Variants in PTPN9 observed in about 807,000 individuals in gnomAD.
The protein encoded by PTPN9 is tyrosine-protein phosphatase non-receptor type 9.
Under a neutral mutation model 69.8 loss-of-function variants are expected in PTPN9, and 26 were observed. That is an observed-to-expected ratio of 0.37 (90% CI 0.27 to 0.52). PTPN9 has a LOEUF of 0.52. Ranked by LOEUF, PTPN9 falls within the 20% of genes least tolerant of loss-of-function variation. The probability of loss-of-function intolerance (pLI) is 0.91; values close to 1 mark genes in which losing one functional copy is unlikely to be tolerated. For synonymous variants in PTPN9, 274 were observed against 272.5 expected (o/e 1.01, Z -0.05); for missense variants, 549 against 740.3 (o/e 0.74, Z 3.00).
In PTPN9 at chr15:75,491,108, T is replaced by TA. The variant is rs1015189240; in HGVS notation, c.969-808dup. Among the ~76,000 whole-genome samples, 4 of 145,898 alleles carry TA rather than the reference T, an allele frequency of 2.7e-5. No homozygotes were observed. In the East Asian group the frequency reaches 8.7e-4, roughly 32 times the overall value. On this transcript the variant is annotated intron_variant, in intron 7 of 12. Coordinates refer to ENST00000618819, the MANE Select transcript of PTPN9 (RefSeq NM_002833.4). ...TGGGTGACGGAGAGAAACCCTGACT[T>TA]AAAAAAAAGAGAAGCTGGGTGTGGT...
intron 1 of PTPN9, among the ~76,000 whole-genome samples, chr15:75,564,318 G>A (rs1257562834): frequency 6.6e-6 from 1 of 152,188 alleles, no homozygotes; most frequent in Non-Finnish European, 1.5e-5. Context: ...ACATTGGCCA[G>A]GTGCGGTGGC....
At chr15:75,535,263 T>C (rs1595963844) in intron 1 of PTPN9, among the ~76,000 whole-genome samples, 2 of 152,166 alleles carry the variant, frequency 1.3e-5, no homozygotes, top group African/African-American at 2.4e-5. Context: ...CCCAAAGTGC[T>C]GGGATTACAG....
chr15:75,500,344 T>TACAC (rs35248279), intron 7 of PTPN9, among the ~76,000 whole-genome samples: 4,064 of 142,510 alleles, frequency 0.029, 66 homozygotes, highest in Non-Finnish European at 0.029. Flanking sequence ...CAAACATACA[T>TACAC]ACACACACAC....
At chr15:75,470,886 C>G in intron 10 of PTPN9, 56 bp from the exon 11 acceptor site, 1 of 1,580,430 alleles carries the variant, frequency 6.3e-7, no homozygotes, top group Non-Finnish European at 8.6e-7. Context: ...CAGCAGTAAC[C>G]TGGCTTCCCC....
rs1163016506 is a variant in PTPN9, at chr15:75,557,646, C to T, written c.63+21068G>A. 5.9e-5 allele frequency among the ~76,000 whole-genome samples: 9 copies of T among 152,164 alleles called. No homozygotes were observed. In the East Asian group the frequency reaches 1.2e-3, roughly 20 times the overall value. Reference sequence around the variant, plus strand: ...TAACAGCAATGCCAACACTTGTTTCCCATTTTGTTTTGTTTTACTTCTAAC... The same window carrying T: ...TAACAGCAATGCCAACACTTGTTTCTCATTTTGTTTTGTTTTACTTCTAAC... On this transcript the variant is annotated intron_variant, in intron 1 of 12. Coordinates refer to ENST00000618819, the MANE Select transcript of PTPN9 (RefSeq NM_002833.4).
At chr15:75,498,302 T>G (rs2074754373) in intron 7 of PTPN9, among the ~76,000 whole-genome samples, 1 of 152,062 alleles carries the variant, frequency 6.6e-6, no homozygotes, top group Non-Finnish European at 1.5e-5. Flanking sequence ...TTACATTTTA[T>G]GTAATGTTAC....
chr15:75,565,715 G>A (rs967479445), intron 1 of PTPN9, among the ~76,000 whole-genome samples: 7 of 152,098 alleles, frequency 4.6e-5, no homozygotes, highest in East Asian at 1.9e-4. Flanking sequence ...ACTCATTTGC[G>A]AATCATTTTT....
At chr15:75,553,118 G>T (rs967460010) in intron 1 of PTPN9, among the ~76,000 whole-genome samples, 24 of 152,010 alleles carry the variant, frequency 1.6e-4, no homozygotes, top group African/African-American at 5.8e-4. Context: ...GGGAGAAAAG[G>T]TAATATTTGT....
chr15:75,496,897 A>G (rs530325438), intron 7 of PTPN9, among the ~76,000 whole-genome samples: 10 of 152,320 alleles, frequency 6.6e-5, no homozygotes, highest in Non-Finnish European at 1.2e-4. Flanking sequence ...AATGGAACTG[A>G]GGGTAAAATA....
intron 1 of PTPN9, among the ~76,000 whole-genome samples, chr15:75,561,497 T>C (rs1028098679): frequency 2.6e-5 from 4 of 151,990 alleles, no homozygotes; most frequent in Non-Finnish European, 5.9e-5. Flanking sequence ...CAGATATTGA[T>C]AGGCAAGTAT....
At chr15:75,558,543 G>A (rs1346466133) in intron 1 of PTPN9, among the ~76,000 whole-genome samples, 1 of 151,422 alleles carries the variant, frequency 6.6e-6, no homozygotes, top group East Asian at 2.0e-4. Context: ...ACGGTCTCCC[G>A]ATCCCTCTCT....
chr15:75,548,887 T>C (rs1595967601), intron 1 of PTPN9, among the ~76,000 whole-genome samples: 1 of 151,722 alleles, frequency 6.6e-6, no homozygotes, highest in Non-Finnish European at 1.5e-5. Context: ...TCTCCTGACC[T>C]TGTGATCCGC....
chr15:75,493,632 C>T (rs545002134), intron 7 of PTPN9, among the ~76,000 whole-genome samples: 1 of 151,942 alleles, frequency 6.6e-6, no homozygotes, highest in South Asian at 2.1e-4. Context: ...TGGTGGCACA[C>T]GCTTTGTAGT....
intron 1 of PTPN9, among the ~76,000 whole-genome samples, chr15:75,552,374 T>C (rs2141335806): frequency 6.6e-6 from 1 of 152,004 alleles, no homozygotes; most frequent in Non-Finnish European, 1.5e-5. Context: ...ACCATTGTAC[T>C]GTAGCCTGGG....
chr15:75,502,492 A>G (rs2074778924), intron 7 of PTPN9, among the ~76,000 whole-genome samples: 1 of 152,058 alleles, frequency 6.6e-6, no homozygotes, highest in South Asian at 2.1e-4. Flanking sequence ...AAGGAATTAC[A>G]GGTGTGCGCC....
At chr15:75,512,552 C>T (rs1276264137) in intron 5 of PTPN9, among the ~76,000 whole-genome samples, 1 of 152,034 alleles carries the variant, frequency 6.6e-6, no homozygotes, top group Non-Finnish European at 1.5e-5. Context: ...TTTATATTTT[C>T]CTGATTGTTT....
chr15:75,565,100 C>CAA (rs1474562574), intron 1 of PTPN9, among the ~76,000 whole-genome samples: 1 of 129,252 alleles, frequency 7.7e-6, no homozygotes, highest in Admixed American at 8.4e-5. Flanking sequence ...GACTCCGTCT[C>CAA]AAAAAATATA....
intron 1 of PTPN9, among the ~76,000 whole-genome samples, chr15:75,575,060 G>A (rs1210934298): frequency 5.7e-5 from 1 of 17,698 alleles, no homozygotes; most frequent in Admixed American, 8.8e-4. Context: ...TGCAAGCTCC[G>A]CCTCCCGGGT....
intron 1 of PTPN9, among the ~76,000 whole-genome samples, chr15:75,560,827 T>C (rs1326591222): frequency 6.6e-6 from 1 of 152,090 alleles, no homozygotes; most frequent in Non-Finnish European, 1.5e-5. Context: ...AAGACCAGCC[T>C]GACCAACATG....
Sources: allele counts gnomAD v4.1 joint callset (sites outside exome capture counted in the v4.1 genomes callset), GRCh38; gene constraint gnomAD v4.1.1; transcripts MANE v1.5; gene names NCBI Gene and HGNC (gene_info 2026-07-23, HGNC 2026-07-21).